CUBN: variants seen among roughly 807,000 people sequenced by gnomAD.
CUBN encodes 460 kDa receptor.
Under a neutral mutation model 405.3 loss-of-function variants are expected in CUBN, and 282 were observed. That is an observed-to-expected ratio of 0.70 (90% CI 0.63 to 0.77). The LOEUF (loss-of-function observed/expected upper bound fraction) is 0.77. Ranked by LOEUF, CUBN falls within the 30% of genes least tolerant of loss-of-function variation. The pLI, the probability that CUBN is intolerant of heterozygous loss-of-function variation, is 0.00. For synonymous variants in CUBN, 1,684 were observed against 1,617.0 expected, an observed-to-expected ratio of 1.04 and a Z score of -0.99; for missense variants, 4,514 against 4,475.2, an observed-to-expected ratio of 1.01 and a Z score of -0.25.
chr10:16,968,612 G>A (rs911180598), intron 31 of CUBN, among the ~76,000 whole-genome samples: 2 of 152,234 alleles, frequency 1.3e-5, no homozygotes, highest in Non-Finnish European at 2.9e-5. Flanking sequence ...TGGTGCTGCT[G>A]AACGGACTTT....
chr10:16,845,721 C>G (rs1425700722), intron 60 of CUBN, among the ~76,000 whole-genome samples: 3 of 152,194 alleles, frequency 2.0e-5, no homozygotes, highest in Non-Finnish European at 4.4e-5. Context: ...ATAGTAGGTA[C>G]GACCTCATGT....
chr10:16,962,792 C>G (rs1458269063), intron 31 of CUBN, among the ~76,000 whole-genome samples: 1 of 152,128 alleles, frequency 6.6e-6, no homozygotes, highest in Non-Finnish European at 1.5e-5. Context: ...GGAACTGAAC[C>G]CTGTGTACAT....
intron 27 of CUBN, among the ~76,000 whole-genome samples, chr10:17,038,283 A>C (rs1281388512): frequency 6.6e-6 from 1 of 152,204 alleles, no homozygotes; most frequent in Non-Finnish European, 1.5e-5. Context: ...ACTCAGACTC[A>C]AAATAAAAAT....
intron 46 of CUBN, 127 bp downstream of exon 46, chr10:16,915,694 A>G (rs980841946): frequency 2.5e-6 from 2 of 795,540 alleles, no homozygotes; most frequent in Non-Finnish European, 4.3e-6. Flanking sequence ...CCCAAAGCTC[A>G]TTAGTCTGCA....
chr10:16,935,672 G>A (rs1335451490), intron 39 of CUBN, among the ~76,000 whole-genome samples: 2 of 152,024 alleles, frequency 1.3e-5, no homozygotes, highest in Non-Finnish European at 2.9e-5. Context: ...GAGGTCAGGA[G>A]ATCGAGACCA....
intron 35 of CUBN, 136 bp from the exon 36 acceptor site, chr10:16,947,503 T>C: frequency 1.0e-6 from 1 of 977,204 alleles, no homozygotes; most frequent in Non-Finnish European, 1.6e-6. Context: ...TTTAAAACAT[T>C]CATGTCATAT....
At chr10:17,065,138 C>A (rs958223207) in intron 22 of CUBN, among the ~76,000 whole-genome samples, 231 of 139,888 alleles carry the variant, frequency 1.7e-3, no homozygotes, top group Non-Finnish European at 2.5e-3. Flanking sequence ...CTCCCCCCCC[C>A]CCCACACACA....
chr10:16,974,815 G>A (rs1833044539), intron 31 of CUBN, among the ~76,000 whole-genome samples: 1 of 152,170 alleles, frequency 6.6e-6, no homozygotes, highest in African/African-American at 2.4e-5. Flanking sequence ...AAGATGATGA[G>A]GATGAAGACC....
intron 59 of CUBN, among the ~76,000 whole-genome samples, chr10:16,862,193 C>CACACACAT (rs1448517605): frequency 6.6e-6 from 1 of 151,036 alleles, no homozygotes; most frequent in African/African-American, 2.4e-5. Context: ...CACACACACA[C>CACACACAT]ATCACATCCC....
intron 4 of CUBN, among the ~76,000 whole-genome samples, chr10:17,126,270 C>T (rs1484702312): frequency 6.6e-6 from 1 of 152,216 alleles, no homozygotes; most frequent in Non-Finnish European, 1.5e-5. Flanking sequence ...AGTCTACAAG[C>T]ATGTAGTACA....
Position 16,901,370 on chromosome 10 carries a change from G to C in CUBN, c.8152C>G (p.Leu2718Val). 2 of 1,614,154 alleles carry C rather than the reference G, an allele frequency of 1.2e-6. No individual in the cohort carries two copies. Among genetic ancestry groups the C allele is most frequent in the Non-Finnish European group, 1.7e-6 (2 of 1,179,998 alleles). ...AYDSLTHCSS[L>V]LEAPQGHTIT... ...GTGTGCCCTTGTGGGGCCTCCAACA[G>C]CGAAGAGCAGTGGGTCAGGCTGTCA... Residue 2718 changes from leucine to valine, a missense_variant, in exon 52 of 67, where the codon CTG (leucine) becomes GTG (valine). By Grantham distance (32) the Leu-to-Val change is conservative. Around this residue, in one of 5 missense-constraint regions of CUBN, gnomAD observed 1,186 missense variants for 1,186.9 expected, o/e 1.00. Transcript: ENST00000377833.
chr10:16,858,205 A>C (rs901718537), intron 59 of CUBN, among the ~76,000 whole-genome samples: 1 of 152,252 alleles, frequency 6.6e-6, no homozygotes, highest in Non-Finnish European at 1.5e-5. Context: ...GGAAAACTCA[A>C]CATAGTAAAG....
rs552916334 is a variant in CUBN, at chr10:17,084,631, G to A, written c.2111-170C>T. Among the ~76,000 whole-genome samples the A allele has an allele frequency of 7.2e-5, 11 of 152,312 alleles. No homozygotes were observed. The South Asian group carries it at 1.0e-3, about 14-fold the overall frequency. ...CTAATTTTAAGATTTTCAGTTTGAT[G>A]TGTTGTGGGACATCTCTGTAGTGGC... On this transcript the variant is annotated intron_variant, in intron 16 of 66. Transcript: ENST00000377833.
chr10:17,123,777 C>A, intron 4 of CUBN, 88 bp from the exon 5 acceptor site: 1 of 846,664 alleles, frequency 1.2e-6, no homozygotes, highest in Non-Finnish European at 2.0e-6. Context: ...TTACATTTAA[C>A]TCTTAATCAG....
rs117185387 is a variant in CUBN, at chr10:16,934,071, C to T, written c.5927-787G>A. 2.5e-3 allele frequency among the ~76,000 whole-genome samples: 383 copies of T among 152,250 alleles called. 24 individuals carry two copies. The East Asian group carries it at 0.066, about 26-fold the overall frequency. ...GCTGTTTTCTGGACCTCTGCGGCCC[C>T]ACCACCCACAGCTGTTAAAGCTGCT... On this transcript the variant is annotated intron_variant, in intron 39 of 66. Coordinates refer to ENST00000377833, the MANE Select transcript of CUBN (RefSeq NM_001081.4).
chr10:16,869,114 T>C (rs1386881573), intron 59 of CUBN, among the ~76,000 whole-genome samples: 1 of 151,680 alleles, frequency 6.6e-6, no homozygotes, highest in African/African-American at 2.4e-5. Context: ...AGCTTCTTCC[T>C]TCCCATGTTG....
chr10:17,013,944 T>C (rs1834256390), intron 28 of CUBN, among the ~76,000 whole-genome samples: 1 of 152,164 alleles, frequency 6.6e-6, no homozygotes, highest in Non-Finnish European at 1.5e-5. Context: ...TGGACTATAA[T>C]TTGTTGGCAG....
At chr10:16,920,212 A>AAATT in intron 43 of CUBN, 75 bp from the exon 44 acceptor site, 1 of 1,423,338 alleles carries the variant, frequency 7.0e-7, no homozygotes, top group East Asian at 2.3e-5. Context: ...ATCATCTTTT[A>AAATT]AAGTCGACTT....
intron 27 of CUBN, among the ~76,000 whole-genome samples, chr10:17,029,243 T>C (rs1400919060): frequency 6.6e-6 from 1 of 152,234 alleles, no homozygotes; most frequent in East Asian, 1.9e-4. Flanking sequence ...CTGCTGCAAA[T>C]TAATGCAATC....
Sources: gnomAD v4.1 joint callset for allele counts (sites outside exome capture counted in the v4.1 genomes callset) on GRCh38, gnomAD v4.1.1 for gene constraint, gnomAD v4.1.1 regional missense constraint, MANE v1.5 for transcripts, NCBI Gene and HGNC (gene_info 2026-07-23, HGNC 2026-07-21) for gene names.